Variants in MMS22L observed in about 807,000 individuals in gnomAD.
MMS22L encodes protein MMS22-like.
A neutral mutation model predicts 159.1 loss-of-function variants in MMS22L; 74 were observed. The ratio of observed to expected loss-of-function variants is 0.47; its 90% CI spans 0.39 to 0.56. The LOEUF (loss-of-function observed/expected upper bound fraction) is 0.56. MMS22L is among the 20% of genes least tolerant of loss of function. The pLI is 0.00. For missense variants in MMS22L, 1,351 were observed against 1,422.1 expected (o/e 0.95, Z 0.80); for synonymous variants, 517 against 506.9 (o/e 1.02, Z -0.27).
chr6:97,234,091 G>T, intron 11 of MMS22L, 111 bp from the exon 12 acceptor site: 1 of 1,198,044 alleles, frequency 8.3e-7, no homozygotes, highest in Non-Finnish European at 1.1e-6. Flanking sequence ...ATAAATATGT[G>T]TCACCCAATC....
At chr6:97,223,394 A>G (rs563433281) in intron 14 of MMS22L, among the ~76,000 whole-genome samples, 1 of 152,200 alleles carries the variant, frequency 6.6e-6, no homozygotes, top group African/African-American at 2.4e-5. Context: ...AATATCATCA[A>G]TCTATATAAT....
intron 14 of MMS22L, among the ~76,000 whole-genome samples, chr6:97,188,698 A>T (rs1805515130): frequency 2.6e-5 from 4 of 152,140 alleles, no homozygotes; most frequent in African/African-American, 4.8e-5. Context: ...TAGGTTAAAG[A>T]AATTTCATCC....
intron 23 of MMS22L, among the ~76,000 whole-genome samples, chr6:97,151,063 A>G (rs1801269896): frequency 6.6e-6 from 1 of 152,214 alleles, no homozygotes; most frequent in Non-Finnish European, 1.5e-5. Context: ...AAAAGCAGTG[A>G]CATGTACTTC....
intron 9 of MMS22L, 101 bp from the exon 10 acceptor site, chr6:97,254,834 C>A: frequency 1.2e-6 from 1 of 865,768 alleles, no homozygotes; most frequent in East Asian, 2.8e-5. Context: ...ATACAAAAGA[C>A]AAAACACATA....
At chr6:97,166,870 C>T (rs962919272) in intron 20 of MMS22L, among the ~76,000 whole-genome samples, 7 of 152,008 alleles carry the variant, frequency 4.6e-5, no homozygotes, top group African/African-American at 1.4e-4. Context: ...GTGTGGCTGC[C>T]TCCCCTTTTT....
In MMS22L at chr6:97,162,052, A is replaced by G; in HGVS notation, c.3335T>C (p.Leu1112Pro). The G allele has an allele frequency of 6.2e-7, 1 of 1,612,276 alleles. No homozygotes were observed. The highest frequency in any genetic ancestry group is 8.5e-7 in the Non-Finnish European group (1 of 1,179,024). ...ETNTDIYEVE[L>P]LLPGILKCLV... ...GCATTTTAAAATGCCAGGGAGGAGT[A>G]GTTCAACTTCATAAATGTCTGTGTT... The change falls in exon 22 of 25, where the codon CTA becomes CCA. Residue 1112 changes from leucine (L) to proline (P), a missense_variant. By Grantham distance (98) the Leu-to-Pro change is moderately conservative. Coordinates refer to ENST00000683635, the MANE Select transcript of MMS22L (RefSeq NM_001350599.2).
At chr6:97,159,946 C>CGGTTTTTTTT (rs1194301494) in intron 22 of MMS22L, among the ~76,000 whole-genome samples, 1 of 58,502 alleles carries the variant, frequency 1.7e-5, no homozygotes, top group African/African-American at 7.5e-5. Flanking sequence ...TTTATCATTT[C>CGGTTTTTTTT]TGTTTTTTTT....
intron 18 of MMS22L, among the ~76,000 whole-genome samples, chr6:97,176,159 G>GT (rs1371277342): frequency 1.3e-5 from 2 of 152,142 alleles, no homozygotes; most frequent in Admixed American, 6.6e-5. Context: ...ATGCATGGCA[G>GT]TATCAATTAT....
chr6:97,166,131 G>C (rs1802937163), intron 20 of MMS22L, among the ~76,000 whole-genome samples: 1 of 151,990 alleles, frequency 6.6e-6, no homozygotes, highest in Non-Finnish European at 1.5e-5. Flanking sequence ...TTGATATCTG[G>C]TTGCATGTCT....
At chr6:97,168,273 G>T in intron 19 of MMS22L, 33 bp from the exon 20 acceptor site, 3 of 1,600,200 alleles carry the variant, frequency 1.9e-6, no homozygotes, top group Non-Finnish European at 2.6e-6. Context: ...GCATGTTGTT[G>T]TTATCCTCTG....
chr6:97,234,054 T>G, intron 11 of MMS22L, 74 bp from the exon 12 acceptor site: 1 of 1,516,076 alleles, frequency 6.6e-7, no homozygotes, highest in Non-Finnish European at 8.9e-7. Flanking sequence ...GATATTGTGC[T>G]GTATATAACC....
At position 97,202,996 on chromosome 6, in the gene MMS22L, A is replaced by C. The variant is rs560496236; in HGVS notation, c.2040-16306T>G. Among the ~76,000 whole-genome samples, 194 of 152,332 alleles carry C rather than the reference A, an allele frequency of 1.3e-3. 2 individuals are homozygous for C. Among genetic ancestry groups the C allele is most frequent in the Non-Finnish European group, 2.8e-4 (19 of 68,030 alleles). ...TGCATTTTGTTTGCCACATCAAAAA[A>C]AATAATTGCTTTGTACAAAAAGGAT... On this transcript the variant is annotated intron_variant, in intron 14 of 24. Transcript: ENST00000683635.
chr6:97,192,997 C>G (rs1476260835), intron 14 of MMS22L, among the ~76,000 whole-genome samples: 1 of 152,122 alleles, frequency 6.6e-6, no homozygotes, highest in Non-Finnish European at 1.5e-5. Context: ...CTACAGCTGC[C>G]TCAAATACCA....
At chr6:97,182,965 T>C (rs1363172892) in intron 15 of MMS22L, among the ~76,000 whole-genome samples, 1 of 152,174 alleles carries the variant, frequency 6.6e-6, no homozygotes, top group Non-Finnish European at 1.5e-5. Flanking sequence ...TCTTTTGTGA[T>C]TATTTTTCTC....
rs117887096 is a variant in MMS22L, at chr6:97,181,596, G to A, written c.2384+308C>T. Among the ~76,000 whole-genome samples the A allele has an allele frequency of 3.2e-3, 490 of 152,200 alleles. 1 individual carries two copies. Among genetic ancestry groups the A allele is most frequent in the Non-Finnish European group, 4.9e-3 (335 of 67,986 alleles). On this transcript the variant is annotated intron_variant, in intron 16 of 24. Transcript: ENST00000683635. ...TCTTACAGATTCAGTAATAATAAAT[G>A]TGTAATTTCTTTCACAGTGGGATGT...
chr6:97,162,362 G>A (rs1315798053), intron 21 of MMS22L, among the ~76,000 whole-genome samples, 197 bp from the exon 22 acceptor site: 1 of 151,940 alleles, frequency 6.6e-6, no homozygotes, highest in Non-Finnish European at 1.5e-5. Context: ...TATCTTTCTG[G>A]TGTGTTCTGA....
At chr6:97,181,021 C>G (rs1212232216) in intron 16 of MMS22L, among the ~76,000 whole-genome samples, 2 of 152,104 alleles carry the variant, frequency 1.3e-5, no homozygotes, top group African/African-American at 4.8e-5. Context: ...ACACATATGC[C>G]ATGTGTACAC....
chr6:97,165,944 C>T (rs1010080885), intron 20 of MMS22L, among the ~76,000 whole-genome samples: 4 of 151,998 alleles, frequency 2.6e-5, no homozygotes, highest in Admixed American at 1.3e-4. Flanking sequence ...AATTAAGACT[C>T]GGAATAACAA....
chr6:97,206,098 T>C (rs1279557817), intron 14 of MMS22L, among the ~76,000 whole-genome samples: 2 of 152,178 alleles, frequency 1.3e-5, no homozygotes, highest in Non-Finnish European at 2.9e-5. Context: ...AGGAGACCTC[T>C]GGGAATTTAT....
Sources: gnomAD v4.1 joint callset for allele counts (sites outside exome capture counted in the v4.1 genomes callset) on GRCh38, gnomAD v4.1.1 for gene constraint, MANE v1.5 for transcripts, NCBI Gene and HGNC (gene_info 2026-07-23, HGNC 2026-07-21) for gene names.